SPTBN2: variants seen among roughly 807,000 people sequenced by gnomAD.
SPTBN2 encodes the protein spectrin beta chain, non-erythrocytic 2.
Under a neutral mutation model 284.2 loss-of-function variants are expected in SPTBN2, and 107 were observed. The observed-to-expected ratio is 0.38, with a 90% confidence interval of 0.32 to 0.44. The LOEUF (loss-of-function observed/expected upper bound fraction) is 0.44, where lower values mean the gene tolerates loss of function less well. Ranked by LOEUF, SPTBN2 falls within the 20% of genes least tolerant of loss-of-function variation. SPTBN2 has a pLI of 1.00. For missense variants in SPTBN2, 2,569 were observed against 3,287.1 expected, an observed-to-expected ratio of 0.78 and a Z score of 5.34; for synonymous variants, 1,289 against 1,354.8, an observed-to-expected ratio of 0.95 and a Z score of 1.07.
chr11:66,721,018 C>T, intron 3 of SPTBN2, 66 bp downstream of exon 3: 2 of 1,606,442 alleles, frequency 1.2e-6, no homozygotes, highest in East Asian at 4.5e-5. Context: ...AGTTAAAGGG[C>T]TCTTCATGAC....
At position 66,718,088 on chromosome 11, in the gene SPTBN2, C is replaced by T. The variant is rs1180203305; in HGVS notation, c.158-2107G>A. ...CCTGGCCAGCGCTCCACCGCCAGAT[C>T]CGGATCCACCTCAGAGGCACTGCTG... On this transcript the variant is annotated intron_variant, in intron 3 of 37. Transcript: ENST00000533211. The surrounding 1 kb of genome is among the most constrained non-coding windows in gnomAD (Gnocchi z 4.8). Among the ~76,000 whole-genome samples the T allele has an allele frequency of 2.0e-5, 3 of 152,178 alleles. No homozygotes were observed. The highest frequency in any genetic ancestry group is 4.4e-5 in the Non-Finnish European group (3 of 68,028).
intron 15 of SPTBN2, among the ~76,000 whole-genome samples, chr11:66,702,845 G>A (rs1387713608): frequency 6.7e-6 from 1 of 149,128 alleles, no homozygotes; most frequent in Non-Finnish European, 1.5e-5. Context: ...GGCTGAGGCA[G>A]GAGAATGGCG....
intron 20 of SPTBN2, 150 bp downstream of exon 20, chr11:66,698,489 T>C: frequency 2.6e-6 from 3 of 1,145,874 alleles, no homozygotes; most frequent in Non-Finnish European, 3.8e-6. Flanking sequence ...CAAAGACGTT[T>C]GTTTCCCAGA....
intron 8 of SPTBN2, among the ~76,000 whole-genome samples, chr11:66,712,503 C>T (rs1306584346): frequency 1.3e-5 from 2 of 151,180 alleles, no homozygotes; most frequent in African/African-American, 2.4e-5. Flanking sequence ...GCCGAGATCG[C>T]GCCATTGCAC....
chr11:66,687,601 T>TGCCTCTCTCCCCGGGGCCC lies in SPTBN2; in HGVS notation c.6529_6547dup (p.Gln2183ArgfsTer112). 6.2e-7 allele frequency: 1 copy of TGCCTCTCTCCCCGGGGCCC among 1,609,050 alleles called. No individual in the cohort carries two copies. Among genetic ancestry groups the TGCCTCTCTCCCCGGGGCCC allele is most frequent in the Non-Finnish European group, 8.5e-7 (1 of 1,178,438 alleles). On this transcript the variant is annotated frameshift_variant, in exon 35 of 38. Coordinates refer to ENST00000533211, the MANE Select transcript of SPTBN2 (RefSeq NM_006946.4). LOFTEE classifies it high-confidence loss of function. The surrounding 1 kb of genome is among the most constrained non-coding windows in gnomAD (Gnocchi z 5.2). The stretch of plus-strand genomic sequence containing the variant: ...TGGGGCCGGGCCCCGAGTCCGGGTC[T>TGCCTCTCTCCCCGGGGCCC]GCCTCTCTCCCCGGGGCCCATTGGC...
chr11:66,717,050 T>TA (rs776520179), intron 3 of SPTBN2, among the ~76,000 whole-genome samples: 4 of 151,960 alleles, frequency 2.6e-5, no homozygotes, highest in Non-Finnish European at 5.9e-5. Context: ...TTCCAGGACA[T>TA]AAACACCCCA....
At chr11:66,723,014 C>T (rs1055763570) in intron 1 of SPTBN2, among the ~76,000 whole-genome samples, 2 of 151,984 alleles carry the variant, frequency 1.3e-5, no homozygotes, top group African/African-American at 4.8e-5. Context: ...TAATCGCAGC[C>T]TCTTGAACAT....
At chr11:66,686,536 G>T in intron 36 of SPTBN2, 96 bp from the exon 37 acceptor site, 1 of 1,380,254 alleles carries the variant, frequency 7.2e-7, no homozygotes, top group East Asian at 2.3e-5. Flanking sequence ...ACCAGGCTGG[G>T]ACATCTGGCT....
chr11:66,703,617 G>T (rs1941364031), intron 15 of SPTBN2, among the ~76,000 whole-genome samples: 1 of 151,870 alleles, frequency 6.6e-6, no homozygotes, highest in African/African-American at 2.4e-5. Context: ...GGTGCCTGTA[G>T]TCCCAGCTAC....
At chr11:66,724,006 G>A (rs1418326242) in intron 1 of SPTBN2, among the ~76,000 whole-genome samples, 1 of 152,162 alleles carries the variant, frequency 6.6e-6, no homozygotes, top group Admixed American at 6.5e-5. Context: ...CCACAAAAAT[G>A]CCTACACCCA....
chr11:66,696,180 G>A (rs1940901451), intron 21 of SPTBN2, 97 bp downstream of exon 21: 1 of 1,449,960 alleles, frequency 6.9e-7, no homozygotes, highest in Non-Finnish European at 9.5e-7. Context: ...GCTAGTGAAG[G>A]TGTTATCTGC....
In SPTBN2 at chr11:66,699,490, A is replaced by G. The variant is rs1199462329; in HGVS notation, c.3692T>C (p.Leu1231Pro). 6.2e-7 allele frequency: 1 copy of G among 1,614,104 alleles called. No individual in the cohort carries two copies. The highest frequency in any genetic ancestry group is 2.2e-5 in the East Asian group (1 of 44,884). The change falls in exon 18 of 38, where the codon CTC (leucine) becomes CCC (proline). Residue 1231 changes from leucine (L) to proline (P), a missense_variant. Around this residue, in one of 6 missense-constraint regions of SPTBN2, gnomAD observed 1,012 missense variants for 1,248.9 expected, o/e 0.81. Coordinates refer to ENST00000533211, the MANE Select transcript of SPTBN2 (RefSeq NM_006946.4). ...MDANGERIHG[L>P]LEAGRQLVSE... ...TACCAGCTGGCGGCCAGCCTCCAGG[A>G]GCCCGTGGATCCGTTCCCCATTGGC...
At chr11:66,720,234 G>C (rs1262871541) in intron 3 of SPTBN2, among the ~76,000 whole-genome samples, 1 of 152,154 alleles carries the variant, frequency 6.6e-6, no homozygotes, top group South Asian at 2.1e-4. Flanking sequence ...ACCTCTCGGT[G>C]AGAGTAGCTG....
chr11:66,699,029 T>C lies in SPTBN2; in HGVS notation c.3830A>G (p.Asn1277Ser), dbSNP rs746049954. 1.1e-5 allele frequency: 18 copies of C among 1,614,074 alleles called. No homozygotes were observed. The highest frequency in any genetic ancestry group is 1.5e-5 in the Non-Finnish European group (18 of 1,180,038). The change falls in exon 19 of 38, where the codon AAC (asparagine) becomes AGC (serine). Residue 1277 changes from asparagine to serine, a missense_variant. By Grantham distance (46) the Asn-to-Ser change is conservative. This residue lies in a region of SPTBN2 where 1,012 missense variants were observed against 1,248.9 expected (regional missense o/e 0.81). Coordinates refer to ENST00000533211, the MANE Select transcript of SPTBN2 (RefSeq NM_006946.4). ...TTGCAGGAAATGCTGCTGCTCCCGGTTGTCCCGAAGACGGCCCAGAAATTG... is the reference window on the plus strand; with the variant it reads ...TTGCAGGAAATGCTGCTGCTCCCGGCTGTCCCGAAGACGGCCCAGAAATTG... ...AQQFLGRLRDNREQQHFLQDC... is the reference protein window; with the variant it reads ...AQQFLGRLRDSREQQHFLQDC...
Position 66,701,131 on chromosome 11 carries a change from C to T in SPTBN2, c.2968G>A (p.Asp990Asn), listed in dbSNP as rs369931847. The T allele has an allele frequency of 3.4e-5, 55 of 1,613,034 alleles. No individual in the cohort carries two copies. Among genetic ancestry groups the T allele is most frequent in the African/African-American group, 6.7e-5 (5 of 74,958 alleles). The change falls in exon 17 of 38, where the codon GAT (aspartate) becomes AAT (asparagine). Residue 990 changes from aspartate (D) to asparagine (N), a missense_variant. Asp to Asn is a conservative substitution (Grantham distance 23). Coordinates refer to ENST00000533211, the MANE Select transcript of SPTBN2 (RefSeq NM_006946.4). Reference protein sequence around the residue: ...VIESTQGLGNDLAGVLALQRK... With the variant: ...VIESTQGLGNNLAGVLALQRK... ...TGCAGGGCCAGCACCCCAGCCAGAT[C>T]GTTGCCTAGGCCCTGGGTGGACTCG...
At chr11:66,720,987 G>C in intron 3 of SPTBN2, 97 bp downstream of exon 3, 2 of 1,541,900 alleles carry the variant, frequency 1.3e-6, no homozygotes, top group Non-Finnish European at 1.8e-6. Context: ...CACTTAGAAA[G>C]AAAAGTCAGT....
At chr11:66,727,485 CG>C (rs1942659788) in intron 1 of SPTBN2, among the ~76,000 whole-genome samples, 1 of 152,218 alleles carries the variant, frequency 6.6e-6, no homozygotes, top group Non-Finnish European at 1.5e-5. Flanking sequence ...GCACCGGAGC[CG>C]GAACACCCCC....
In SPTBN2 at chr11:66,685,763, C is replaced by G; in HGVS notation, c.*108G>C. 1 of 1,077,902 alleles carries G rather than the reference C, an allele frequency of 9.3e-7. No individual in the cohort carries two copies. Among genetic ancestry groups the G allele is most frequent in the Non-Finnish European group, 1.4e-6 (1 of 707,926 alleles). 66.8% of individuals were successfully genotyped at this position (1,077,902 alleles called of 1,614,324 possible). ...CCTGGTGATGGGTTGACCTTGGCAA[C>G]AGACCCTAGCAGCAGGCAGTTGTCC... On this transcript the variant is annotated 3_prime_UTR_variant, in exon 38 of 38. Coordinates refer to ENST00000533211, the MANE Select transcript of SPTBN2 (RefSeq NM_006946.4). The surrounding 1 kb of genome is among the most constrained non-coding windows in gnomAD (Gnocchi z 4.4).
rs778218574 is a variant in SPTBN2, at chr11:66,691,327, C to T, written c.5522G>A (p.Arg1841Gln). The change falls in exon 27 of 38, where the codon CGA (arginine) becomes CAA (glutamine). Residue 1841 changes from arginine to glutamine, a missense_variant. This residue lies in a region of SPTBN2 where 1,130 missense variants were observed against 1,317.3 expected (regional missense o/e 0.86). Coordinates refer to ENST00000533211, the MANE Select transcript of SPTBN2 (RefSeq NM_006946.4). This position sits in a 1 kb window ranked among gnomAD's most constrained non-coding sequence, Gnocchi z 8.0. Reference protein sequence around the residue: ...DLNAAEALQRRHCAYEHDIQA... With the variant: ...DLNAAEALQRQHCAYEHDIQA... ...AATGTCATGCTCGTAGGCACAGTGT[C>T]GGCGCTGCAGGGCCTCGGCAGCGTT... is the stretch of plus-strand genomic sequence containing the variant. 51 of 1,553,440 alleles carry T rather than the reference C, an allele frequency of 3.3e-5. No homozygotes were observed. Among genetic ancestry groups the T allele is most frequent in the Middle Eastern group, 1.7e-4 (1 of 5,784 alleles).
Sources: gnomAD v4.1 joint callset for allele counts (sites outside exome capture counted in the v4.1 genomes callset) on GRCh38, gnomAD v4.1.1 for gene constraint, gnomAD v4.1.1 regional missense constraint, Gnocchi (gnomAD v3.1) non-coding constraint, MANE v1.5 for transcripts, NCBI Gene and HGNC (gene_info 2026-07-23, HGNC 2026-07-21) for gene names.